The following PEX2 variants were observed in gnomAD, a reference collection of about 807,000 sequenced individuals.
PEX2 encodes peroxisome biogenesis factor 2.
In PEX2, 19 loss-of-function variants were observed where a neutral mutation model predicts 25.2. The ratio of observed to expected loss-of-function variants is 0.75; its 90% CI spans 0.53 to 1.10. The LOEUF is 1.10. PEX2 is among the 50% of genes least tolerant of loss of function. The pLI, the probability that PEX2 is intolerant of heterozygous loss-of-function variation, is 0.00. For missense variants in PEX2, 347 were observed against 350.6 expected (o/e 0.99, Z 0.08); for synonymous variants, 141 against 127.7 (o/e 1.10, Z -0.70).
chr8:76,989,733 G>C (rs935604632), intron 1 of PEX2, among the ~76,000 whole-genome samples: 4 of 152,166 alleles, frequency 2.6e-5, no homozygotes, highest in African/African-American at 7.2e-5. Flanking sequence ...AAAATATTCA[G>C]TAAACCATGC....
At position 76,983,370 on chromosome 8, in the gene PEX2, C is replaced by G. The variant is rs764017022; in HGVS notation, c.809G>C (p.Ser270Thr). 3 of 1,614,060 alleles carry G rather than the reference C, an allele frequency of 1.9e-6. No individual in the cohort carries two copies. Among genetic ancestry groups the G allele is most frequent in the Non-Finnish European group, 1.7e-6 (2 of 1,180,022 alleles). ...AAAGTACACGTCAAATAAGAAACTACTCTTAGCACAGAAATAACAGAAAAT... is the reference window on the plus strand; with the variant it reads ...AAAGTACACGTCAAATAAGAAACTAGTCTTAGCACAGAAATAACAGAAAAT... ...EHIFCYFCAK[S>T]SFLFDVYFTC... is the part of the protein sequence containing the mutation. Residue 270 changes from serine (S) to threonine (T), a missense_variant, in exon 4 of 4, where the codon AGT becomes ACT. Physicochemically the swap from Ser to Thr is moderately conservative, Grantham distance 58. Coordinates refer to ENST00000357039, the MANE Select transcript of PEX2 (RefSeq NM_000318.3).
intron 2 of PEX2, among the ~76,000 whole-genome samples, chr8:76,987,270 C>T (rs894830767): frequency 2.6e-5 from 4 of 152,146 alleles, no homozygotes; most frequent in Admixed American, 2.6e-4. Flanking sequence ...ATTCAGGGCA[C>T]TATGGTTACA....
At chr8:76,990,860 G>T (rs182416247) in intron 1 of PEX2, among the ~76,000 whole-genome samples, 3 of 152,214 alleles carry the variant, frequency 2.0e-5, no homozygotes, top group African/African-American at 7.2e-5. Flanking sequence ...GTTACACAGA[G>T]ACACCAAGTT....
intron 3 of PEX2, among the ~76,000 whole-genome samples, chr8:76,984,418 TTTTTC>T (rs1285858515): frequency 6.6e-6 from 1 of 152,142 alleles, no homozygotes; most frequent in Non-Finnish European, 1.5e-5. Flanking sequence ...TCTTAATTTC[TTTTTC>T]TTTTTTCTTG....
At chr8:76,985,289 G>A (rs1029923472) in intron 3 of PEX2, among the ~76,000 whole-genome samples, 10 of 152,220 alleles carry the variant, frequency 6.6e-5, no homozygotes, top group Middle Eastern at 3.4e-3. Flanking sequence ...GAGTAAAATG[G>A]TGGTTGGTAG....
intron 3 of PEX2, among the ~76,000 whole-genome samples, chr8:76,985,134 C>A: frequency 6.9e-6 from 1 of 144,614 alleles, no homozygotes; most frequent in Non-Finnish European, 1.5e-5. Context: ...TAGACCAGTT[C>A]AGATATTTTA....
chr8:76,999,714 A>G, intron 1 of PEX2: 1 of 387,586 alleles, frequency 2.6e-6, no homozygotes, highest in South Asian at 1.9e-5. Context: ...TCGTCTCTTA[A>G]GTTACTACGT....
chr8:76,998,698 G>A (rs1807405624), intron 1 of PEX2, among the ~76,000 whole-genome samples: 1 of 152,128 alleles, frequency 6.6e-6, no homozygotes, highest in Admixed American at 6.5e-5. Context: ...GGCTGCTCTT[G>A]TTAAAATAAA....
chr8:76,985,988 T>C (rs1806990789), intron 3 of PEX2, among the ~76,000 whole-genome samples, 199 bp downstream of exon 3: 1 of 152,194 alleles, frequency 6.6e-6, no homozygotes, highest in Non-Finnish European at 1.5e-5. Flanking sequence ...AAAGTTGTTT[T>C]CAAGAGGGAA....
chr8:76,983,432 C>T lies in PEX2; in HGVS notation c.747G>A (p.Glu249=). The change falls in exon 4 of 4, where the codon GAG becomes GAA. Residue 249 remains glutamate, a synonymous_variant. Transcript: ENST00000357039. ...CTATGGTGTGAGGCATGGTGGGCCA[C>T]TCTCCACATAGAGCGCATTCTTTGC... ...TSGKECALCG[E]WPTMPHTIGC... is the part of the protein sequence containing the mutation. The T allele has an allele frequency of 6.2e-7, 1 of 1,614,156 alleles. No individual in the cohort carries two copies. Among genetic ancestry groups the T allele is most frequent in the South Asian group, 1.1e-5 (1 of 91,088 alleles).
chr8:77,000,764 G>GC (rs1239508848), upstream of PEX2: 1 of 152,276 alleles, frequency 6.6e-6, no homozygotes, highest in African/African-American at 2.4e-5. Context: ...GAGGTTTCCC[G>GC]CCCCCGGAGG....
intron 1 of PEX2, among the ~76,000 whole-genome samples, chr8:76,998,124 T>G (rs918063362): frequency 6.6e-6 from 1 of 152,118 alleles, no homozygotes; most frequent in Non-Finnish European, 1.5e-5. Context: ...GAAATAAAGA[T>G]TGTGTACATT....
At chr8:76,992,070 C>T (rs1317053775) in intron 1 of PEX2, among the ~76,000 whole-genome samples, 1 of 152,074 alleles carries the variant, frequency 6.6e-6, no homozygotes, top group Non-Finnish European at 1.5e-5. Context: ...AGTTAAACCA[C>T]AAACATAATG....
intron 1 of PEX2, among the ~76,000 whole-genome samples, chr8:76,998,719 G>A (rs990912684): frequency 6.6e-6 from 1 of 152,108 alleles, no homozygotes; most frequent in Non-Finnish European, 1.5e-5. Context: ...CCTGAGGGTG[G>A]GCTTGCTTTG....
chr8:76,984,123 T>C lies in PEX2; in HGVS notation c.56A>G (p.Gln19Arg). 1.2e-6 allele frequency: 2 copies of C among 1,613,882 alleles called. No individual in the cohort carries two copies. The highest frequency in any genetic ancestry group is 1.1e-5 in the South Asian group (1 of 91,022). The change falls in exon 4 of 4, where the codon CAG becomes CGG. Residue 19 changes from glutamine to arginine, a missense_variant. By Grantham distance (43) the Gln-to-Arg change is conservative. Coordinates refer to ENST00000357039, the MANE Select transcript of PEX2 (RefSeq NM_000318.3). The stretch of plus-strand genomic sequence containing the variant: ...CTTGTTTAGTTCAAGTGCATCCAAC[T>C]GGCTTATTCTTAGCACTCTGTTTGC... ...KSANRVLRIS[Q>R]LDALELNKAL...
upstream of PEX2, among the ~76,000 whole-genome samples, chr8:77,000,641 A>G (rs1052989082): frequency 1.3e-5 from 2 of 152,048 alleles, no homozygotes; most frequent in Non-Finnish European, 2.9e-5. Context: ...CACAGGGAGG[A>G]TAGGCTGTTT....
intron 1 of PEX2, among the ~76,000 whole-genome samples, chr8:76,991,755 A>G (rs980597634): frequency 1.3e-5 from 2 of 152,216 alleles, no homozygotes; most frequent in Admixed American, 1.3e-4. Context: ...GAGATCTTAA[A>G]AAACTTCATT....
chr8:76,992,693 TTC>T (rs894979047), intron 1 of PEX2, among the ~76,000 whole-genome samples: 2 of 152,206 alleles, frequency 1.3e-5, no homozygotes, highest in African/African-American at 4.8e-5. Context: ...TGAATTCTAA[TTC>T]TCTGACAAAT....
chr8:76,999,722 C>A (rs531031180), intron 1 of PEX2: 3 of 395,398 alleles, frequency 7.6e-6, no homozygotes, highest in Non-Finnish European at 1.5e-5. Flanking sequence ...TAAGTTACTA[C>A]GTGGAATGCA....
Sources: allele counts gnomAD v4.1 joint callset (sites outside exome capture counted in the v4.1 genomes callset), GRCh38; gene constraint gnomAD v4.1.1; transcripts MANE v1.5; gene names NCBI Gene and HGNC (gene_info 2026-07-23, HGNC 2026-07-21).